Variants in ERC2 observed in about 807,000 individuals in gnomAD.
ERC2 encodes the protein ELKS/RAB6-interacting/CAST family member 2.
ERC2 carries 42 observed loss-of-function variants against 114.8 expected under a neutral mutation model. The ratio of observed to expected loss-of-function variants is 0.37; its 90% CI spans 0.29 to 0.47. The LOEUF (loss-of-function observed/expected upper bound fraction) is 0.47, where lower values mean the gene tolerates loss of function less well. Among genes scored for constraint, ERC2 ranks in the 20% least tolerant of loss-of-function variants. The pLI, the probability that ERC2 is intolerant of heterozygous loss-of-function variation, is 0.99. For missense variants in ERC2, 939 were observed against 1,150.7 expected (o/e 0.82, Z 2.66); for synonymous variants, 454 against 425.5 (o/e 1.07, Z -0.82).
chr3:56,017,663 G>A (rs1192225241), intron 8 of ERC2, among the ~76,000 whole-genome samples: 1 of 152,034 alleles, frequency 6.6e-6, no homozygotes, highest in Admixed American at 6.6e-5. Context: ...CTCCTACCTG[G>A]CCATTCTACT....
chr3:56,456,579 A>C (rs1248410882), intron 1 of ERC2, among the ~76,000 whole-genome samples: 1 of 152,120 alleles, frequency 6.6e-6, no homozygotes, highest in Non-Finnish European at 1.5e-5. Flanking sequence ...CTTTAACTTC[A>C]CTCACAACTA....
intron 14 of ERC2, among the ~76,000 whole-genome samples, chr3:55,848,031 A>C (rs998799202): frequency 3.3e-5 from 5 of 152,154 alleles, no homozygotes; most frequent in African/African-American, 1.2e-4. Context: ...CTCTGGGCTC[A>C]AGCATTTTTG....
chr3:56,098,023 A>G (rs980178216), intron 6 of ERC2, among the ~76,000 whole-genome samples: 1 of 152,210 alleles, frequency 6.6e-6, no homozygotes, highest in Non-Finnish European at 1.5e-5. Flanking sequence ...AAATGTGCTG[A>G]TAGCATCCTA....
chr3:56,154,712 G>C (rs1443722588), intron 4 of ERC2, among the ~76,000 whole-genome samples: 1 of 152,158 alleles, frequency 6.6e-6, no homozygotes, highest in Non-Finnish European at 1.5e-5. Flanking sequence ...CCTTTACAGA[G>C]TCACAAACCT....
chr3:56,091,064 T>C (rs1445351892), intron 6 of ERC2, among the ~76,000 whole-genome samples: 1 of 152,062 alleles, frequency 6.6e-6, no homozygotes. Flanking sequence ...GATGGGACAA[T>C]TTGATGCACT....
At chr3:56,067,111 T>G (rs1273377157) in intron 7 of ERC2, among the ~76,000 whole-genome samples, 1 of 152,240 alleles carries the variant, frequency 6.6e-6, no homozygotes, top group East Asian at 1.9e-4. Flanking sequence ...GGTAGTTTGA[T>G]GGGAATAGCA....
intron 7 of ERC2, among the ~76,000 whole-genome samples, chr3:56,061,159 C>G (rs1429279266): frequency 6.6e-6 from 1 of 152,124 alleles, no homozygotes; most frequent in Admixed American, 6.5e-5. Flanking sequence ...GCTGCAGGCA[C>G]GACTGCACAT....
chr3:55,699,396 G>A lies in ERC2; in HGVS notation c.2829C>T (p.His943=). The part of the protein sequence containing the change: ...RSPGRSQHSN[H]RPSPDQDDEE... ...AACTGACCTGGTCCGGAGAGGGCCT[G>A]TGATTGGAATGTTGCGACCTCCCAG... Residue 943 remains histidine (H), a synonymous_variant, in exon 16 of 18, where the codon CAC becomes CAT. Transcript: ENST00000288221. 6.2e-7 allele frequency: 1 copy of A among 1,613,842 alleles called. No individual in the cohort carries two copies. The highest frequency in any genetic ancestry group is 8.5e-7 in the Non-Finnish European group (1 of 1,179,812).
chr3:56,086,074 G>C (rs146423769), intron 6 of ERC2, among the ~76,000 whole-genome samples: 23 of 152,230 alleles, frequency 1.5e-4, no homozygotes, highest in African/African-American at 5.3e-4. Flanking sequence ...TGAGTGAAGA[G>C]GCAGAGAAAA....
At chr3:55,867,584 C>T (rs1025285279) in intron 14 of ERC2, among the ~76,000 whole-genome samples, 4 of 152,058 alleles carry the variant, frequency 2.6e-5, no homozygotes, top group African/African-American at 7.2e-5. Context: ...AAAATGCAAT[C>T]GCATCTATGT....
chr3:55,897,050 G>A (rs1160894928), intron 13 of ERC2, among the ~76,000 whole-genome samples: 1 of 152,210 alleles, frequency 6.6e-6, no homozygotes, highest in Non-Finnish European at 1.5e-5. Flanking sequence ...CATGGCTCTG[G>A]AGAAATCGTC....
intron 12 of ERC2, among the ~76,000 whole-genome samples, chr3:55,952,179 AC>A (rs1355237544): frequency 0.035 from 2,135 of 61,630 alleles, 120 homozygotes; most frequent in South Asian, 0.08. Flanking sequence ...ACACACACAC[AC>A]TCTCTCTCTC....
intron 17 of ERC2, among the ~76,000 whole-genome samples, chr3:55,602,996 G>C (rs868784009): frequency 6.6e-6 from 1 of 152,136 alleles, no homozygotes; most frequent in Non-Finnish European, 1.5e-5. Flanking sequence ...AGAGAAGACC[G>C]AGCATCTCCT....
At chr3:56,059,170 A>G (rs1182934972) in intron 7 of ERC2, among the ~76,000 whole-genome samples, 1 of 151,592 alleles carries the variant, frequency 6.6e-6, no homozygotes, top group Non-Finnish European at 1.5e-5. Flanking sequence ...GGCTCACTGC[A>G]ACCTCCGCCC....
At chr3:56,063,705 T>G (rs2149711813) in intron 7 of ERC2, among the ~76,000 whole-genome samples, 1 of 152,336 alleles carries the variant, frequency 6.6e-6, no homozygotes, top group African/African-American at 2.4e-5. Flanking sequence ...ATGCCCTTAA[T>G]AAACTAATTA....
rs182763376 is a variant in ERC2 at position 56,398,209 on chromosome 3, C to T, written c.657+36142G>A. Among the ~76,000 whole-genome samples, 19 of 152,272 alleles carry T rather than the reference C, an allele frequency of 1.2e-4. No homozygotes were observed. The East Asian group carries it at 3.5e-3, about 28-fold the overall frequency. ...TTAATCAAAGCAACAAAGAACATTC[C>T]TATGTATCTGCTTTTGTACACTTAT... On this transcript the variant is annotated intron_variant, in intron 2 of 17. Transcript: ENST00000288221.
intron 14 of ERC2, among the ~76,000 whole-genome samples, chr3:55,747,992 G>T (rs545107874): frequency 1.3e-5 from 2 of 152,328 alleles, no homozygotes; most frequent in African/African-American, 4.8e-5. Context: ...CCTTCCCAGA[G>T]TTTGAAGGAA....
At chr3:56,188,904 T>C (rs897221824) in intron 3 of ERC2, among the ~76,000 whole-genome samples, 1 of 152,202 alleles carries the variant, frequency 6.6e-6, no homozygotes, top group African/African-American at 2.4e-5. Context: ...TTTGGTCTAG[T>C]TCCTCATTAC....
chr3:55,527,380 TG>T (rs2053394845), intron 17 of ERC2, among the ~76,000 whole-genome samples: 2 of 152,192 alleles, frequency 1.3e-5, no homozygotes, highest in African/African-American at 4.8e-5. Context: ...ATTTTTATTG[TG>T]GAGTTGTATG....
Sources: allele counts gnomAD v4.1 joint callset (sites outside exome capture counted in the v4.1 genomes callset), GRCh38; gene constraint gnomAD v4.1.1; transcripts MANE v1.5; gene names NCBI Gene and HGNC (gene_info 2026-07-23, HGNC 2026-07-21).